The following RHPN2 variants were observed in gnomAD, a reference collection of about 807,000 sequenced individuals.
The protein encoded by RHPN2 is rhophilin Rho GTPase binding protein 2.
In RHPN2, 40 loss-of-function variants were observed where a neutral mutation model predicts 79.0. The ratio of observed to expected loss-of-function variants is 0.51; its 90% CI spans 0.39 to 0.66. The LOEUF (loss-of-function observed/expected upper bound fraction) is 0.66, where lower values mean the gene tolerates loss of function less well. RHPN2 is among the 30% of genes least tolerant of loss of function. RHPN2 has a pLI of 0.00. For synonymous variants in RHPN2, 285 were observed against 363.5 expected (o/e 0.78, Z 2.46); for missense variants, 686 against 883.5 (o/e 0.78, Z 2.83).
At chr19:33,048,920 C>T (rs563824840) in intron 1 of RHPN2, among the ~76,000 whole-genome samples, 2 of 152,190 alleles carry the variant, frequency 1.3e-5, no homozygotes, top group South Asian at 4.1e-4. Context: ...TACGTACATT[C>T]CCAGAGCTCA....
intron 3 of RHPN2, among the ~76,000 whole-genome samples, chr19:33,021,937 TTTTTA>T (rs1013914021): frequency 9.2e-5 from 14 of 151,694 alleles, no homozygotes; most frequent in African/African-American, 2.7e-4. Flanking sequence ...AATGGTTCCT[TTTTTA>T]TTTTATTATT....
intron 9 of RHPN2, among the ~76,000 whole-genome samples, chr19:33,001,692 C>T (rs1971750272): frequency 1.3e-5 from 2 of 152,074 alleles, no homozygotes; most frequent in South Asian, 4.1e-4. Context: ...CTGCAACCTC[C>T]ACCTCCCTGG....
At chr19:33,010,943 A>C (rs1168137970) in intron 6 of RHPN2, among the ~76,000 whole-genome samples, 1 of 152,128 alleles carries the variant, frequency 6.6e-6, no homozygotes, top group Non-Finnish European at 1.5e-5. Flanking sequence ...TCGGCCTCCC[A>C]AAGTGTTGGC....
chr19:33,015,874 C>T (rs2145241507), intron 4 of RHPN2, among the ~76,000 whole-genome samples: 1 of 152,104 alleles, frequency 6.6e-6, no homozygotes, highest in East Asian at 1.9e-4. Flanking sequence ...CAAGGTGAAA[C>T]CCTGTCTCTA....
chr19:33,034,383 A>C (rs927500244), intron 2 of RHPN2, among the ~76,000 whole-genome samples: 2 of 151,768 alleles, frequency 1.3e-5, no homozygotes, highest in Non-Finnish European at 2.9e-5. Context: ...AGGTGGGCAG[A>C]TCACGAGGTC....
chr19:33,049,324 C>T (rs1406041027), intron 1 of RHPN2, among the ~76,000 whole-genome samples: 1 of 152,172 alleles, frequency 6.6e-6, no homozygotes, highest in Admixed American at 6.6e-5. Flanking sequence ...CCATCCCCAC[C>T]CATACATTTC....
At chr19:33,059,121 G>GGGAA (rs1204988772) in intron 1 of RHPN2, among the ~76,000 whole-genome samples, 26 of 151,614 alleles carry the variant, frequency 1.7e-4, no homozygotes, top group African/African-American at 6.3e-4. Context: ...AATACAAGAT[G>GGGAA]GGAAGCCTCA....
At chr19:33,024,796 T>A (rs1971953121) in intron 3 of RHPN2, among the ~76,000 whole-genome samples, 1 of 152,208 alleles carries the variant, frequency 6.6e-6, no homozygotes, top group South Asian at 2.1e-4. Flanking sequence ...TTTTGTGTTT[T>A]TTGAGACAGG....
rs190456289 is a variant in RHPN2, at chr19:33,029,225, A to T, written c.186-2593T>A. Among the ~76,000 whole-genome samples the T allele has an allele frequency of 1.8e-4, 27 of 152,228 alleles. 1 individual carries two copies. In the East Asian group the frequency reaches 5.0e-3, roughly 28 times the overall value. ...CTGACATAAAGATAGGCAATGAATC[A>T]GAATAAAAGTCCAGGAATAGGCCGG... is the stretch of plus-strand genomic sequence containing the variant. On this transcript the variant is annotated intron_variant, in intron 2 of 14. Transcript: ENST00000254260.
At chr19:33,033,786 G>A (rs772793618) in intron 2 of RHPN2, among the ~76,000 whole-genome samples, 31 of 151,698 alleles carry the variant, frequency 2.0e-4, no homozygotes, top group Admixed American at 7.9e-4. Flanking sequence ...AGACTCGCTT[G>A]AACCCGGGAG....
chr19:33,062,806 T>A (rs908463116), intron 1 of RHPN2, among the ~76,000 whole-genome samples: 9 of 145,856 alleles, frequency 6.2e-5, no homozygotes, highest in Non-Finnish European at 6.0e-5. Context: ...TAATAATAAT[T>A]AATAAATGAA....
chr19:33,002,644 C>A (rs1599813405), intron 8 of RHPN2, among the ~76,000 whole-genome samples, 169 bp downstream of exon 8: 1 of 152,298 alleles, frequency 6.6e-6, no homozygotes, highest in Admixed American at 6.5e-5. Context: ...TGATCTGTAT[C>A]TGAAACACCA....
At chr19:33,023,159 G>A (rs28729200) in intron 3 of RHPN2, among the ~76,000 whole-genome samples, 3,627 of 152,274 alleles carry the variant, frequency 0.024, 157 homozygotes, top group African/African-American at 0.084. Context: ...TGCAGGCCAG[G>A]TGCAGTGGCT....
chr19:33,008,103 C>G lies in RHPN2; in HGVS notation c.671G>C (p.Gly224Ala). 6.2e-7 allele frequency: 1 copy of G among 1,614,032 alleles called. No homozygotes were observed. The highest frequency in any genetic ancestry group is 8.5e-7 in the Non-Finnish European group (1 of 1,179,996). Reference sequence around the variant, plus strand: ...GGTCCCAATCTGGGTGTAGAGGGCCCCAGTGTTGAACAGGACACTGGCCTT... The same window carrying G: ...GGTCCCAATCTGGGTGTAGAGGGCCGCAGTGTTGAACAGGACACTGGCCTT... ...LEKASVLFNTGALYTQIGTRC... is the reference protein window; with the variant it reads ...LEKASVLFNTAALYTQIGTRC... The change falls in exon 7 of 15, where the codon GGG becomes GCG. Residue 224 changes from glycine to alanine, a missense_variant. Physicochemically the swap from Gly to Ala is moderately conservative, Grantham distance 60 (BLOSUM62 0). Coordinates refer to ENST00000254260, the MANE Select transcript of RHPN2 (RefSeq NM_033103.5).
chr19:33,056,591 G>A (rs1337045280), intron 1 of RHPN2, among the ~76,000 whole-genome samples: 1 of 152,164 alleles, frequency 6.6e-6, no homozygotes, highest in African/African-American at 2.4e-5. Flanking sequence ...TCAGTAGGAA[G>A]AGCATAAAAA....
rs1215221299 is a variant in RHPN2, at chr19:32,980,109, G to C, written c.1948C>G (p.Gln650Glu). ...FLSWGTNKNR[Q>E]KSASTLCLPS... ...AGGCACAAGGTGCTGGCTGACTTCT[G>C]TCTGTTCTTGTTGGTGCCCCAACTC... The change falls in exon 15 of 15, where the codon CAG (glutamine) becomes GAG (glutamate). Residue 650 changes from glutamine to glutamate, a missense_variant. Coordinates refer to ENST00000254260, the MANE Select transcript of RHPN2 (RefSeq NM_033103.5). The C allele has an allele frequency of 6.2e-7, 1 of 1,613,954 alleles. No individual in the cohort carries two copies.
intron 14 of RHPN2, among the ~76,000 whole-genome samples, chr19:32,989,814 TAAAG>T (rs1375709732): frequency 6.6e-6 from 1 of 151,058 alleles, no homozygotes; most frequent in Non-Finnish European, 1.5e-5. Context: ...TACAAAAAAA[TAAAG>T]AATAGGCTGG....
intron 1 of RHPN2, among the ~76,000 whole-genome samples, chr19:33,054,036 A>AT (rs965100741): frequency 1.7e-4 from 25 of 149,272 alleles, no homozygotes; most frequent in African/African-American, 5.7e-4. Flanking sequence ...ATTTTATTGT[A>AT]TTTTTTGTAG....
intron 2 of RHPN2, among the ~76,000 whole-genome samples, chr19:33,033,628 G>A (rs1336419666): frequency 6.6e-6 from 1 of 151,418 alleles, no homozygotes; most frequent in Admixed American, 6.6e-5. Context: ...TAGCACTTTG[G>A]GAGGCCGAGG....
Sources: allele counts gnomAD v4.1 joint callset (sites outside exome capture counted in the v4.1 genomes callset), GRCh38; gene constraint gnomAD v4.1.1; transcripts MANE v1.5; gene names NCBI Gene and HGNC (gene_info 2026-07-23, HGNC 2026-07-21).